The following GRB10 variants were observed in gnomAD, a reference collection of about 807,000 sequenced individuals.
The protein encoded by GRB10 is growth factor receptor-bound protein 10.
A neutral mutation model predicts 80.9 loss-of-function variants in GRB10; 20 were observed. The observed-to-expected ratio is 0.25, with a 90% CI of 0.17 to 0.36. The LOEUF is 0.36. GRB10 is among the 10% of genes least tolerant of loss of function. The pLI, the probability that GRB10 is intolerant of heterozygous loss-of-function variation, is 1.00. For synonymous variants in GRB10, 291 were observed against 291.5 expected (o/e 1.00, Z 0.02); for missense variants, 548 against 747.7 (o/e 0.73, Z 3.12).
intron 3 of GRB10, among the ~76,000 whole-genome samples, chr7:50,746,367 C>A (rs1356896680): frequency 6.6e-6 from 1 of 152,146 alleles, no homozygotes; most frequent in Non-Finnish European, 1.5e-5. Flanking sequence ...GTGTTGCCAG[C>A]ACTGAATGCA....
chr7:50,723,521 C>A (rs542316367), intron 4 of GRB10, among the ~76,000 whole-genome samples: 1 of 152,202 alleles, frequency 6.6e-6, no homozygotes, highest in Admixed American at 6.5e-5. Context: ...TACCCCAGAG[C>A]CTGCTAAACC....
chr7:50,667,139 G>A (rs2059900851), intron 7 of GRB10, among the ~76,000 whole-genome samples: 1 of 151,662 alleles, frequency 6.6e-6, no homozygotes, highest in Non-Finnish European at 1.5e-5. Flanking sequence ...GGGCAAGAAT[G>A]ATTTTTCCTT....
At chr7:50,651,433 C>A (rs927886548) in intron 7 of GRB10, among the ~76,000 whole-genome samples, 1 of 152,150 alleles carries the variant, frequency 6.6e-6, no homozygotes, top group African/African-American at 2.4e-5. Flanking sequence ...ATTCTCGTCC[C>A]GTGTCTATTT....
chr7:50,624,027 C>T (rs2052397737), intron 8 of GRB10, among the ~76,000 whole-genome samples: 1 of 152,180 alleles, frequency 6.6e-6, no homozygotes, highest in African/African-American at 2.4e-5. Context: ...ACTTTGGAAT[C>T]TTCAATTCTG....
intron 7 of GRB10, among the ~76,000 whole-genome samples, chr7:50,658,845 A>G (rs878877601): frequency 6.6e-6 from 1 of 152,186 alleles, no homozygotes; most frequent in African/African-American, 2.4e-5. Flanking sequence ...CCTCGCTGCA[A>G]TTGCATCACT....
intron 3 of GRB10, among the ~76,000 whole-genome samples, chr7:50,733,346 C>T (rs937846655): frequency 2.6e-5 from 4 of 152,196 alleles, no homozygotes; most frequent in Non-Finnish European, 5.9e-5. Context: ...GCCCCCTCCC[C>T]AGTCTGTGGC....
chr7:50,676,700 A>G (rs1203604194), intron 5 of GRB10, among the ~76,000 whole-genome samples: 4 of 152,204 alleles, frequency 2.6e-5, no homozygotes, highest in Admixed American at 6.5e-5. Context: ...AAGACAAGAC[A>G]TAAGGAAACA....
At chr7:50,715,955 G>C (rs777860209) in intron 4 of GRB10, among the ~76,000 whole-genome samples, 6 of 152,228 alleles carry the variant, frequency 3.9e-5, no homozygotes, top group Non-Finnish European at 8.8e-5. Flanking sequence ...GCAGCGCAGG[G>C]AGGGGGAATC....
intron 2 of GRB10, among the ~76,000 whole-genome samples, chr7:50,757,598 T>G (rs1012651995): frequency 6.6e-6 from 1 of 152,208 alleles, no homozygotes; most frequent in African/African-American, 2.4e-5. Flanking sequence ...CTCAAAGAAT[T>G]TGGAAGTTTG....
intron 13 of GRB10, chr7:50,606,729 C>A: frequency 2.9e-6 from 1 of 345,306 alleles, no homozygotes; most frequent in Non-Finnish European, 5.5e-6. Context: ...TATTCTACAC[C>A]ATATTTTTAT....
chr7:50,683,084 A>G (rs78034303), intron 5 of GRB10, among the ~76,000 whole-genome samples: 4,541 of 152,338 alleles, frequency 0.03, 230 homozygotes, highest in African/African-American at 0.1. Context: ...GTGCCCCTCA[A>G]CAGATGAACA....
At chr7:50,651,800 AAACCATGTGGTTTTCAT>A in intron 7 of GRB10, among the ~76,000 whole-genome samples, 1 of 152,356 alleles carries the variant, frequency 6.6e-6, no homozygotes, top group Non-Finnish European at 1.5e-5. Context: ...TCTTCAACTC[AAACCATGTGGTTTTCAT>A]GACAGTAGCT....
At chr7:50,726,664 C>T (rs1042852900) in intron 4 of GRB10, among the ~76,000 whole-genome samples, 3 of 152,250 alleles carry the variant, frequency 2.0e-5, no homozygotes, top group East Asian at 1.9e-4. Context: ...AAACACCTTA[C>T]GATCAGCACA....
At chr7:50,595,602 TACACACACACACAC>T (rs59746858) in intron 17 of GRB10, 72 bp from the exon 18 acceptor site, 39 of 561,432 alleles carry the variant, frequency 6.9e-5, no homozygotes, top group Middle Eastern at 4.3e-4. Flanking sequence ...CACACTCTCT[TACACACACACACAC>T]ACACACACAC....
intron 2 of GRB10, among the ~76,000 whole-genome samples, chr7:50,769,893 G>A (rs780935162): frequency 2.6e-5 from 4 of 152,058 alleles, no homozygotes; most frequent in African/African-American, 4.8e-5. Flanking sequence ...ATCGAATGAC[G>A]TTGGTATCAC....
At chr7:50,630,573 A>G (rs569683135) in intron 7 of GRB10, among the ~76,000 whole-genome samples, 2 of 152,188 alleles carry the variant, frequency 1.3e-5, no homozygotes, top group Non-Finnish European at 2.9e-5. Context: ...GCTGCTTCCA[A>G]CTCAGGATTT....
At chr7:50,764,336 C>CT (rs1562653375) in intron 2 of GRB10, among the ~76,000 whole-genome samples, 1 of 152,230 alleles carries the variant, frequency 6.6e-6, no homozygotes, top group South Asian at 2.1e-4. Context: ...TTCCTGCCAA[C>CT]TTTTTTTGTG....
At chr7:50,615,239 T>G (rs1406940966) in intron 11 of GRB10, among the ~76,000 whole-genome samples, 1 of 152,236 alleles carries the variant, frequency 6.6e-6, no homozygotes, top group Non-Finnish European at 1.5e-5. Flanking sequence ...TGGTTTGTTG[T>G]GAGTCCAGAG....
At chr7:50,750,524 C>T (rs1216681472) in intron 3 of GRB10, among the ~76,000 whole-genome samples, 1 of 152,190 alleles carries the variant, frequency 6.6e-6, no homozygotes, top group African/African-American at 2.4e-5. Flanking sequence ...GATCACAGCA[C>T]ACGTTGAGCC....
Sources: gnomAD v4.1 joint callset for allele counts (sites outside exome capture counted in the v4.1 genomes callset) on GRCh38, gnomAD v4.1.1 for gene constraint, MANE v1.5 for transcripts, NCBI Gene and HGNC (gene_info 2026-07-23, HGNC 2026-07-21) for gene names.